The following IGSF10 variants were observed in gnomAD, a reference collection of about 807,000 sequenced individuals.
IGSF10 encodes calvaria mechanical force protein 608.
A neutral mutation model predicts 128.2 loss-of-function variants in IGSF10; 126 were observed. The observed-to-expected ratio is 0.98, with a 90% CI of 0.85 to 1.14. The LOEUF (loss-of-function observed/expected upper bound fraction) is 1.14, where lower values mean the gene tolerates loss of function less well. Ranked by LOEUF, IGSF10 falls within the 50% of genes most tolerant of loss-of-function variation. The pLI is 0.00. For synonymous variants in IGSF10, 1,185 were observed against 1,146.2 expected, an observed-to-expected ratio of 1.03 and a Z score of -0.68; for missense variants, 3,295 against 3,149.8, an observed-to-expected ratio of 1.05 and a Z score of -1.10.
the IGSF10 span, among the ~76,000 whole-genome samples, chr3:151,557,378 T>A: frequency 2.0e-5 from 3 of 152,272 alleles, no homozygotes; most frequent in East Asian, 5.8e-4. Context: ...CCAGTCTTCC[T>A]TCCTGTGATA....
chr3:151,604,606 CACA>C, the IGSF10 span, among the ~76,000 whole-genome samples: 1 of 150,664 alleles, frequency 6.6e-6, no homozygotes, highest in Admixed American at 6.6e-5. Flanking sequence ...CACACACACA[CACA>C]CACACACACA....
chr3:151,541,889 A>T, the IGSF10 span, among the ~76,000 whole-genome samples: 1 of 152,198 alleles, frequency 6.6e-6, no homozygotes, highest in Non-Finnish European at 1.5e-5. Flanking sequence ...CCTTAAGAAA[A>T]GCAACTTTCC....
intron 6 of IGSF10, 130 bp from the exon 7 acceptor site, chr3:151,444,014 G>GT: frequency 1.4e-6 from 1 of 711,190 alleles, no homozygotes; most frequent in South Asian, 2.1e-5. Flanking sequence ...TGGCTCACTT[G>GT]TATAATCCCA....
At chr3:151,512,493 G>T in the IGSF10 span, among the ~76,000 whole-genome samples, 1 of 152,174 alleles carries the variant, frequency 6.6e-6, no homozygotes, top group East Asian at 1.9e-4. Flanking sequence ...AGCATTGAAT[G>T]CCCACAAGAG....
At chr3:151,535,209 A>G in the IGSF10 span, among the ~76,000 whole-genome samples, 29 of 152,254 alleles carry the variant, frequency 1.9e-4, no homozygotes, top group African/African-American at 6.8e-4. Context: ...TAGAGGTATT[A>G]TAATGTGGGC....
At position 151,444,904 on chromosome 3, in the gene IGSF10, A is replaced by G. The variant is rs1721088863; in HGVS notation, c.5062+15T>C. On this transcript the variant is annotated intron_variant, in intron 6 of 7. Transcript: ENST00000282466. ...TTCTAACAAAAACTAAGTGTAAAGA[A>G]AAAGTTTCACATACCTGATGGGACT... 1 of 1,549,876 alleles carries G rather than the reference A, an allele frequency of 6.5e-7. No homozygotes were observed. The highest frequency in any genetic ancestry group is 1.2e-5 in the South Asian group (1 of 80,468).
At chr3:151,538,947 A>C in the IGSF10 span, among the ~76,000 whole-genome samples, 1 of 152,206 alleles carries the variant, frequency 6.6e-6, no homozygotes, top group Non-Finnish European at 1.5e-5. Flanking sequence ...CCCAATAACA[A>C]TAATACTTCA....
At position 151,436,583 on chromosome 3, in the gene IGSF10, T is replaced by C. The variant is rs1720250737; in HGVS notation, c.*106A>G. The C allele has an allele frequency of 1.4e-6, 1 of 725,746 alleles. No individual in the cohort carries two copies. The highest frequency in any genetic ancestry group is 2.3e-6 in the Non-Finnish European group (1 of 438,520). The allele number at this position is 725,746 out of a possible 1,614,324, so 45.0% of individuals were successfully genotyped here. A position where few individuals can be genotyped will look rare whatever the true frequency, so the allele number is the denominator to read the frequency against. On this transcript the variant is annotated 3_prime_UTR_variant, in exon 8 of 8. Coordinates refer to ENST00000282466, the MANE Select transcript of IGSF10 (RefSeq NM_178822.5). ...TTTTGCATGTTCATTGTAAATTTAA[T>C]ACTGTAAATGTATTCAAATTCATTT...
the IGSF10 span, among the ~76,000 whole-genome samples, chr3:151,558,027 A>ATTATATATATATATAT: frequency 1.1e-4 from 6 of 52,920 alleles, no homozygotes; most frequent in South Asian, 4.6e-4. Context: ...TAATATATAT[A>ATTATATATATATATAT]TTGGTACAAT....
At chr3:151,454,586 GTTTTTT>G (rs143402800) in intron 4 of IGSF10, among the ~76,000 whole-genome samples, 2 of 149,890 alleles carry the variant, frequency 1.3e-5, no homozygotes, top group Non-Finnish European at 3.0e-5. Flanking sequence ...TTTTTATAAG[GTTTTTT>G]TTTTAAGTCT....
At chr3:151,499,240 A>T in the IGSF10 span, among the ~76,000 whole-genome samples, 5 of 152,138 alleles carry the variant, frequency 3.3e-5, no homozygotes, top group African/African-American at 9.6e-5. Flanking sequence ...TGACTAAAAA[A>T]GTCTTGCCAG....
the IGSF10 span, among the ~76,000 whole-genome samples, chr3:151,568,654 G>A: frequency 6.6e-6 from 1 of 152,152 alleles, no homozygotes; most frequent in Admixed American, 6.5e-5. Context: ...CATGGTGGGG[G>A]AGGATTTAGT....
At chr3:151,557,267 T>C in the IGSF10 span, among the ~76,000 whole-genome samples, 3 of 152,054 alleles carry the variant, frequency 2.0e-5, no homozygotes, top group African/African-American at 7.2e-5. Context: ...CTGTAGGCAA[T>C]GTTAGGGGAA....
chr3:151,518,892 T>C, the IGSF10 span, among the ~76,000 whole-genome samples: 1 of 151,854 alleles, frequency 6.6e-6, no homozygotes, highest in African/African-American at 2.4e-5. Flanking sequence ...TAGTGTTCAG[T>C]GGGGGAACAT....
the IGSF10 span, among the ~76,000 whole-genome samples, chr3:151,525,239 C>A: frequency 6.6e-6 from 1 of 151,860 alleles, no homozygotes; most frequent in African/African-American, 2.4e-5. Flanking sequence ...ATTGCAAACA[C>A]CTTTTTCTGA....
chr3:151,438,871 G>GAC (rs1239154337), intron 7 of IGSF10, among the ~76,000 whole-genome samples: 1 of 151,398 alleles, frequency 6.6e-6, no homozygotes, highest in African/African-American at 2.4e-5. Context: ...TATATAGAGA[G>GAC]AGAGAAATGA....
chr3:151,616,563 A>G, the IGSF10 span, among the ~76,000 whole-genome samples: 1 of 152,240 alleles, frequency 6.6e-6, no homozygotes, highest in Admixed American at 6.5e-5. Context: ...TATTTTAAAC[A>G]TAGAAAAGGC....
chr3:151,602,994 A>G, the IGSF10 span, among the ~76,000 whole-genome samples: 2 of 152,102 alleles, frequency 1.3e-5, no homozygotes, highest in Non-Finnish European at 2.9e-5. Flanking sequence ...CTGTTGTTCT[A>G]TTTTCTTCCC....
chr3:151,512,854 C>G, the IGSF10 span, among the ~76,000 whole-genome samples: 148 of 151,976 alleles, frequency 9.7e-4, no homozygotes, highest in African/African-American at 3.4e-3. Context: ...AAATAAACTA[C>G]AAAATCTAGA....
Sources: gnomAD v4.1 joint callset for allele counts (sites outside exome capture counted in the v4.1 genomes callset) on GRCh38, gnomAD v4.1.1 for gene constraint, MANE v1.5 for transcripts, NCBI Gene and HGNC (gene_info 2026-07-23, HGNC 2026-07-21) for gene names.